TRIM32: variants seen among roughly 807,000 people sequenced by gnomAD.
The protein encoded by TRIM32 is tripartite motif containing 32.
A neutral mutation model predicts 36.0 loss-of-function variants in TRIM32; 19 were observed. The ratio of observed to expected loss-of-function variants is 0.53; its 90% CI spans 0.37 to 0.77. The LOEUF is 0.77. Among genes scored for constraint, TRIM32 ranks in the 30% least tolerant of loss-of-function variants. The probability of loss-of-function intolerance (pLI) is 0.00; values close to 1 mark genes in which losing one functional copy is unlikely to be tolerated. For missense variants in TRIM32, 747 were observed against 845.2 expected, an observed-to-expected ratio of 0.88 and a Z score of 1.44; for synonymous variants, 309 against 318.5, an observed-to-expected ratio of 0.97 and a Z score of 0.32.
chr9:116,687,327 G>A lies in TRIM32; in HGVS notation c.-136G>A, dbSNP rs970585867. The A allele has an allele frequency of 6.2e-6, 6 of 965,364 alleles. No homozygotes were observed. The highest frequency in any genetic ancestry group is 6.2e-6 in the Non-Finnish European group (5 of 811,812). 59.8% of individuals were successfully genotyped at this position (965,364 alleles called of 1,614,324 possible). A position where few individuals can be genotyped will look rare whatever the true frequency, so the allele number is the denominator to read the frequency against. On this transcript the variant is annotated 5_prime_UTR_variant, in exon 1 of 2. Coordinates refer to ENST00000450136, the MANE Select transcript of TRIM32 (RefSeq NM_012210.4). ...GGTGCTCAACGGCGCGTGCGCAGAG[G>A]GAGGCAGGCGGGTGGGCTGCCGGCG... is the stretch of plus-strand genomic sequence containing the variant.
At chr9:116,687,801 C>T (rs1860347989) in intron 1 of TRIM32, among the ~76,000 whole-genome samples, 1 of 151,762 alleles carries the variant, frequency 6.6e-6, no homozygotes, top group South Asian at 2.1e-4. Context: ...TTGAGGAAAT[C>T]TGGGGGCGCT....
chr9:116,697,196 T>C (rs923170445), intron 1 of TRIM32, among the ~76,000 whole-genome samples: 1 of 152,204 alleles, frequency 6.6e-6, no homozygotes, highest in Non-Finnish European at 1.5e-5. Flanking sequence ...GCTTTTCTCT[T>C]AGTGTAAATC....
intron 1 of TRIM32, among the ~76,000 whole-genome samples, chr9:116,695,868 G>A (rs897755615): frequency 8.5e-5 from 13 of 152,148 alleles, no homozygotes; most frequent in Non-Finnish European, 1.5e-4. Context: ...CTCTAAGCCA[G>A]AAATAAACTG....
At chr9:116,695,046 G>A (rs551852050) in intron 1 of TRIM32, among the ~76,000 whole-genome samples, 1 of 152,226 alleles carries the variant, frequency 6.6e-6, no homozygotes, top group South Asian at 2.1e-4. Flanking sequence ...TGGAGAAAAT[G>A]CGTATGCTAT....
chr9:116,689,112 C>T (rs961061809), intron 1 of TRIM32, among the ~76,000 whole-genome samples: 1 of 152,252 alleles, frequency 6.6e-6, no homozygotes, highest in Admixed American at 6.5e-5. Context: ...GCCCTTCCCC[C>T]CCGCAGTAAG....
At position 116,698,463 on chromosome 9, in the gene TRIM32, T is replaced by C; in HGVS notation, c.721T>C (p.Tyr241His). The C allele has an allele frequency of 6.2e-7, 1 of 1,613,974 alleles. No homozygotes were observed. The highest frequency in any genetic ancestry group is 1.7e-4 in the Middle Eastern group (1 of 5,986). The change falls in exon 2 of 2, where the codon TAC becomes CAC. Residue 241 changes from tyrosine (Y) to histidine (H), a missense_variant. Tyr to His is a moderately conservative substitution (Grantham distance 83). Transcript: ENST00000450136. This position sits in a 1 kb window ranked among gnomAD's most constrained non-coding sequence, Gnocchi z 4.4. ...GGTGCAGGCTGTGTCTCGCTGTGAC[T>C]ACTTCCTGGCCAAGATCAAGCAGGC... is the stretch of plus-strand genomic sequence containing the variant. ...AEVQAVSRCDYFLAKIKQADV... is the reference protein window; with the variant it reads ...AEVQAVSRCDHFLAKIKQADV...
chr9:116,700,016 G>C lies in TRIM32; in HGVS notation c.*312G>C, dbSNP rs1434937610. ...GAGCCACTTTAGCCCTTTGTGCCAT[G>C]TTTGAAATTTGCCCTTGTATTAAAT... On this transcript the variant is annotated 3_prime_UTR_variant, in exon 2 of 2. Coordinates refer to ENST00000450136, the MANE Select transcript of TRIM32 (RefSeq NM_012210.4). 1.9e-5 allele frequency: 8 copies of C among 415,810 alleles called. No homozygotes were observed. The highest frequency in any genetic ancestry group is 3.6e-5 in the Non-Finnish European group (8 of 222,178). The allele number at this position is 415,810 out of a possible 1,614,324, so 25.8% of individuals were successfully genotyped here. A position where few individuals can be genotyped will look rare whatever the true frequency, so the allele number is the denominator to read the frequency against.
chr9:116,696,305 G>A (rs545399307), intron 1 of TRIM32, among the ~76,000 whole-genome samples: 6 of 152,160 alleles, frequency 3.9e-5, no homozygotes, highest in African/African-American at 1.2e-4. Flanking sequence ...TTCATTAAAG[G>A]CTTTTTTGGT....
chr9:116,690,746 A>T (rs1447230433), intron 1 of TRIM32, among the ~76,000 whole-genome samples: 1 of 152,170 alleles, frequency 6.6e-6, no homozygotes, highest in Admixed American at 6.5e-5. Flanking sequence ...TGGACAGGCT[A>T]CTTTCTCTGA....
rs144651222 is a variant in TRIM32 at position 116,694,874 on chromosome 9, C to T, written c.-81-2788C>T. On this transcript the variant is annotated intron_variant, in intron 1 of 1. Transcript: ENST00000450136. ...TCAGATATCCACATCAGACCTCATA[C>T]GCTCATGATATATGGTAAATATTAT... Among the ~76,000 whole-genome samples the T allele has an allele frequency of 1.2e-4, 18 of 152,068 alleles. No homozygotes were observed. The East Asian group carries it at 1.5e-3, about 13-fold the overall frequency.
At position 116,699,233 on chromosome 9, in the gene TRIM32, A is replaced by G. The variant is rs774265676; in HGVS notation, c.1491A>G (p.Thr497=). ...AAGGTGGAAAGCTTTGGTGTTTCAC[A>G]GTTGATCGAGGATCAGGGGTGGTCA... ...DVEGGKLWCF[T]VDRGSGVVKY... Residue 497 remains threonine, a synonymous_variant, in exon 2 of 2, where the codon ACA becomes ACG. Transcript: ENST00000450136. The surrounding 1 kb of genome is among the most constrained non-coding windows in gnomAD (Gnocchi z 4.2). 1.9e-5 allele frequency: 30 copies of G among 1,614,142 alleles called. No individual in the cohort carries two copies. The highest frequency in any genetic ancestry group is 2.5e-5 in the Non-Finnish European group (29 of 1,180,058).
rs1052742026 is a variant in TRIM32 at position 116,697,206 on chromosome 9, C to T, written c.-81-456C>T. 2.0e-5 allele frequency among the ~76,000 whole-genome samples: 3 copies of T among 152,174 alleles called. No individual in the cohort carries two copies. The East Asian group carries it at 5.8e-4, about 29-fold the overall frequency. On this transcript the variant is annotated intron_variant, in intron 1 of 1. Transcript: ENST00000450136. ...CCTGTGCTTTTCTCTTAGTGTAAAT[C>T]AGAAGTTGTAAAATTCACCAAATAT...
intron 1 of TRIM32, among the ~76,000 whole-genome samples, chr9:116,696,353 T>TATA (rs1860851612): frequency 6.6e-6 from 1 of 152,236 alleles, no homozygotes; most frequent in South Asian, 2.1e-4. Context: ...ACTCTATATA[T>TATA]TATTTCATTC....
rs1860963225 is a variant in TRIM32 at position 116,698,038 on chromosome 9, T to C, written c.296T>C (p.Met99Thr). 5 of 1,614,052 alleles carry C rather than the reference T, an allele frequency of 3.1e-6. No homozygotes were observed. The highest frequency in any genetic ancestry group is 3.4e-6 in the Non-Finnish European group (4 of 1,180,026). ...AGLSEAVGLL[M>T]CRSCGRRLPR... is the part of the protein sequence containing the mutation. ...CTCAGCGAGGCTGTGGGGCTGCTCA[T>C]GTGTCGGTCCTGTGGGCGGCGTCTG... Residue 99 changes from methionine to threonine, a missense_variant, in exon 2 of 2, where the codon ATG becomes ACG. By Grantham distance (81) the Met-to-Thr change is moderately conservative. Transcript: ENST00000450136. The surrounding 1 kb of genome is among the most constrained non-coding windows in gnomAD (Gnocchi z 4.4).
intron 1 of TRIM32, among the ~76,000 whole-genome samples, chr9:116,687,727 G>A (rs911666843): frequency 6.6e-6 from 1 of 152,010 alleles, no homozygotes; most frequent in Non-Finnish European, 1.5e-5. Context: ...GGGAATCAGG[G>A]CCCTGGAGGG....
intron 1 of TRIM32, among the ~76,000 whole-genome samples, chr9:116,689,211 C>T (rs1860439621): frequency 6.6e-6 from 1 of 152,136 alleles, no homozygotes; most frequent in Admixed American, 6.5e-5. Flanking sequence ...CTAGCTCTAT[C>T]TCTTCCTGAC....
chr9:116,697,685 T>C lies in TRIM32; in HGVS notation c.-58T>C. On this transcript the variant is annotated 5_prime_UTR_variant, in exon 2 of 2. The change abolishes an upstream ATG in the 5' untranslated region. Transcript: ENST00000450136. Reference sequence around the variant, plus strand: ...AGCAGGAATTTGACCCTCTAGGGCATGAATACTGTGCTGTTCAGTTCTGAG... The same window carrying C: ...AGCAGGAATTTGACCCTCTAGGGCACGAATACTGTGCTGTTCAGTTCTGAG... The C allele has an allele frequency of 6.2e-7, 1 of 1,608,572 alleles. No homozygotes were observed. The highest frequency in any genetic ancestry group is 8.5e-7 in the Non-Finnish European group (1 of 1,178,260).
rs770128543 is a variant in TRIM32, at chr9:116,698,771, G to T, written c.1029G>T (p.Gln343His). Reference sequence around the variant, plus strand: ...GCCCTAGGGCCTCACCTGCTAAACAGCGGGGTCCTGAGGCAGCCTCCAATA... The same window carrying T: ...GCCCTAGGGCCTCACCTGCTAAACATCGGGGTCCTGAGGCAGCCTCCAATA... ...VASPRASPAKQRGPEAASNIQ... is the reference protein window; with the variant it reads ...VASPRASPAKHRGPEAASNIQ... Residue 343 changes from glutamine (Q) to histidine (H), a missense_variant, in exon 2 of 2, where the codon CAG becomes CAT. Physicochemically the swap from Gln to His is conservative, Grantham distance 24. Coordinates refer to ENST00000450136, the MANE Select transcript of TRIM32 (RefSeq NM_012210.4). The surrounding 1 kb of genome is among the most constrained non-coding windows in gnomAD (Gnocchi z 4.4). 9 of 1,614,066 alleles carry T rather than the reference G, an allele frequency of 5.6e-6. No individual in the cohort carries two copies. The highest frequency in any genetic ancestry group is 7.6e-6 in the Non-Finnish European group (9 of 1,180,044).
rs561181017 is a variant in TRIM32, at chr9:116,694,816, C to T, written c.-81-2846C>T. 3.3e-5 allele frequency among the ~76,000 whole-genome samples: 5 copies of T among 152,094 alleles called. No individual in the cohort carries two copies. The East Asian group carries it at 9.7e-4, about 29-fold the overall frequency. ...GTATGTCTATGCTATTGCCCCTAGACACTTGGCATTTAAGAATTTACCATT... is the reference window on the plus strand; with the variant it reads ...GTATGTCTATGCTATTGCCCCTAGATACTTGGCATTTAAGAATTTACCATT... On this transcript the variant is annotated intron_variant, in intron 1 of 1. Transcript: ENST00000450136.
Sources: allele counts gnomAD v4.1 joint callset (sites outside exome capture counted in the v4.1 genomes callset), GRCh38; gene constraint gnomAD v4.1.1; non-coding constraint Gnocchi (gnomAD v3.1); transcripts MANE v1.5; gene names NCBI Gene and HGNC (gene_info 2026-07-23, HGNC 2026-07-21).